HECTD4: variants seen among roughly 807,000 people sequenced by gnomAD.
HECTD4 encodes the protein HECT domain E3 ubiquitin protein ligase 4, also known as probable E3 ubiquitin-protein ligase HECTD4.
Under a neutral mutation model 471.5 loss-of-function variants are expected in HECTD4, and 114 were observed. The observed-to-expected ratio is 0.24, with a 90% confidence interval of 0.21 to 0.28. HECTD4 has a LOEUF of 0.28. Among genes scored for constraint, HECTD4 ranks in the 10% least tolerant of loss-of-function variants. HECTD4 has a pLI of 1.00. For missense variants in HECTD4, 3,866 were observed against 5,651.5 expected (o/e 0.68, Z 10.13); for synonymous variants, 2,012 against 2,256.0 (o/e 0.89, Z 3.07).
At chr12:112,363,748 A>T (rs1039117448) in intron 1 of HECTD4, among the ~76,000 whole-genome samples, 1 of 151,912 alleles carries the variant, frequency 6.6e-6, no homozygotes, top group African/African-American at 2.4e-5. Flanking sequence ...AGGCCGAGGC[A>T]GGTGGATCAC....
intron 11 of HECTD4, among the ~76,000 whole-genome samples, chr12:112,271,643 A>AC (rs2034414999): frequency 6.6e-6 from 1 of 152,172 alleles, no homozygotes; most frequent in African/African-American, 2.4e-5. Context: ...TGCTCTTCAG[A>AC]CAGAACAACT....
chr12:112,228,762 T>C lies in HECTD4; in HGVS notation c.6569A>G (p.Asn2190Ser), dbSNP rs1437548658. ...SGSIGVVASI[N>S]EQEGIATVRF... The stretch of plus-strand genomic sequence containing the variant: ...GACTGTAGCTATACCTTCCTGTTCA[T>C]TGATAGAAGCCACTACTCCAATGCT... Residue 2190 changes from asparagine to serine, a missense_variant, in exon 42 of 76, where the codon AAT (asparagine) becomes AGT (serine). Physicochemically the swap from Asn to Ser is conservative, Grantham distance 46 (BLOSUM62 1). This residue lies in a region of HECTD4 where 617 missense variants were observed against 915.1 expected (regional missense o/e 0.67). Transcript: ENST00000682272. The surrounding 1 kb of genome is among the most constrained non-coding windows in gnomAD (Gnocchi z 4.9). 4 of 1,613,712 alleles carry C rather than the reference T, an allele frequency of 2.5e-6. No individual in the cohort carries two copies. The highest frequency in any genetic ancestry group is 2.2e-5 in the South Asian group (2 of 91,036).
At chr12:112,349,652 T>G (rs1454627185) in intron 1 of HECTD4, among the ~76,000 whole-genome samples, 1 of 151,844 alleles carries the variant, frequency 6.6e-6, no homozygotes, top group Non-Finnish European at 1.5e-5. Flanking sequence ...AAAAAAAAAT[T>G]GGCACAGAAT....
chr12:112,205,004 G>A (rs1181633182), intron 52 of HECTD4, among the ~76,000 whole-genome samples: 3 of 151,790 alleles, frequency 2.0e-5, no homozygotes, highest in African/African-American at 7.3e-5. Context: ...ATGGTGGCAG[G>A]CGCCTGTAAA....
At chr12:112,274,166 G>A (rs1168007893) in intron 10 of HECTD4, among the ~76,000 whole-genome samples, 2 of 152,142 alleles carry the variant, frequency 1.3e-5, no homozygotes, top group Non-Finnish European at 2.9e-5. Context: ...CCAAAACTTA[G>A]AAATAAGCTT....
Position 112,193,730 on chromosome 12 carries a change from A to T in HECTD4, c.8750-56T>A. On this transcript the variant is annotated intron_variant, in intron 56 of 75. Transcript: ENST00000682272. This position sits in a 1 kb window ranked among gnomAD's most constrained non-coding sequence, Gnocchi z 5.2. ...AGAATCAAAGCAGCCAGTAGCTGTG[A>T]GAGTCTAAGTAACAGAAAATGAATA... 1.3e-6 allele frequency: 2 copies of T among 1,489,582 alleles called. No homozygotes were observed. The highest frequency in any genetic ancestry group is 4.8e-5 in the East Asian group (2 of 41,962). The allele number at this position is 1,489,582 out of a possible 1,614,324, so 92.3% of individuals were successfully genotyped here.
intron 2 of HECTD4, among the ~76,000 whole-genome samples, chr12:112,315,469 C>G (rs548270974): frequency 6.6e-6 from 1 of 152,206 alleles, no homozygotes; most frequent in African/African-American, 2.4e-5. Context: ...GGCAAGGAGG[C>G]AGCAGATAGA....
Position 112,183,101 on chromosome 12 carries a change from T to C in HECTD4, c.10945A>G (p.Ser3649Gly), listed in dbSNP as rs771382173. 2 of 1,613,506 alleles carry C rather than the reference T, an allele frequency of 1.2e-6. No individual in the cohort carries two copies. Among genetic ancestry groups the C allele is most frequent in the South Asian group, 2.2e-5 (2 of 91,060 alleles). The change falls in exon 62 of 76, where the codon AGC (serine) becomes GGC (glycine). Residue 3649 changes from serine (S) to glycine (G), a missense_variant. Physicochemically the swap from Ser to Gly is moderately conservative, Grantham distance 56 (BLOSUM62 0). Around this residue, in one of 16 missense-constraint regions of HECTD4, gnomAD observed 715 missense variants for 1,087.6 expected, o/e 0.66. Transcript: ENST00000682272. ...VNQSLFDTQG[S>G]PGLEDYFNDK... ...TTGAAATAATCTTCTAACCCTGGGC[T>C]CCCTTGAGTATCAAAGAGACTCTGA...
At position 112,233,227 on chromosome 12, in the gene HECTD4, T is replaced by C. The variant is rs1408862187; in HGVS notation, c.5916-142A>G. ...CACTAACATTAGCTTTTTTTTTTTT[T>C]TTTTTTTTTTTTGAGACAGGGTGTT... On this transcript the variant is annotated intron_variant, in intron 37 of 75. Transcript: ENST00000682272. 3.0e-5 allele frequency: 19 copies of C among 632,506 alleles called. No homozygotes were observed. In the East Asian group the frequency reaches 5.3e-4, roughly 18 times the overall value. The allele number at this position is 632,506 out of a possible 1,614,324, so 39.2% of individuals were successfully genotyped here. A position where few individuals can be genotyped will look rare whatever the true frequency, so the allele number is the denominator to read the frequency against.
chr12:112,237,583 A>G (rs1301537198), intron 34 of HECTD4, among the ~76,000 whole-genome samples: 3 of 152,148 alleles, frequency 2.0e-5, no homozygotes, highest in Non-Finnish European at 2.9e-5. Flanking sequence ...GCTCGAAAGT[A>G]TTCTCCTTCC....
In HECTD4 at chr12:112,164,213, C is replaced by T. The variant is rs750625494; in HGVS notation, c.12597G>A (p.Thr4199=). The T allele has an allele frequency of 1.4e-5, 22 of 1,613,668 alleles. No homozygotes were observed. Among genetic ancestry groups the T allele is most frequent in the Admixed American group, 1.2e-4 (7 of 59,988 alleles). The part of the protein sequence containing the change: ...CAEIASQHLA[T]ESPDSPNKPC... ...GCTTGTTGGGGCTGTCAGGGCTCTC[C>T]GTGGCCAGGTGCTGGGAGGCGATCT... The change falls in exon 73 of 76, where the codon ACG becomes ACA. Residue 4199 remains threonine (T), a synonymous_variant. Transcript: ENST00000682272.
chr12:112,163,408 CAAT>C lies in HECTD4; in HGVS notation c.12897+131_12897+133del. 2 of 1,033,626 alleles carry C rather than the reference CAAT, an allele frequency of 1.9e-6. No individual in the cohort carries two copies. Among genetic ancestry groups the C allele is most frequent in the Non-Finnish European group, 2.8e-6 (2 of 715,700 alleles). 64.0% of individuals were successfully genotyped at this position (1,033,626 alleles called of 1,614,324 possible). ...GAGCACAGGGAGATGACAATGATGA[CAAT>C]GATACAGGTCTGTGGCAAGGACAGA... is the stretch of plus-strand genomic sequence containing the variant. On this transcript the variant is annotated intron_variant, in intron 74 of 75. Transcript: ENST00000682272. This position sits in a 1 kb window ranked among gnomAD's most constrained non-coding sequence, Gnocchi z 8.2.
rs1256143603 is a variant in HECTD4, at chr12:112,319,282, A to G, written c.638T>C (p.Ile213Thr). The part of the protein sequence containing the change: ...LEETSDTGRH[I>T]PHKQKENAAA... ...AGCATTTTCTTTTTGCTTATGTGGG[A>G]TGTGTCGGCCTGTGTCAGAAGTCTC... Residue 213 changes from isoleucine (I) to threonine (T), a missense_variant, in exon 2 of 76, where the codon ATC becomes ACC. Physicochemically the swap from Ile to Thr is moderately conservative, Grantham distance 89 (BLOSUM62 -1). Transcript: ENST00000682272. This position sits in a 1 kb window ranked among gnomAD's most constrained non-coding sequence, Gnocchi z 5.3. 1.3e-6 allele frequency: 2 copies of G among 1,536,138 alleles called. No individual in the cohort carries two copies. The highest frequency in any genetic ancestry group is 1.4e-5 in the African/African-American group (1 of 73,170).
intron 1 of HECTD4, among the ~76,000 whole-genome samples, chr12:112,360,250 C>A (rs939892943): frequency 6.6e-6 from 1 of 152,086 alleles, no homozygotes; most frequent in Non-Finnish European, 1.5e-5. Flanking sequence ...GGCCAGGAGT[C>A]TGGGGCTGCA....
At chr12:112,208,408 C>G in intron 51 of HECTD4, 86 bp downstream of exon 51, 2 of 1,348,362 alleles carry the variant, frequency 1.5e-6, no homozygotes, top group South Asian at 3.7e-5. Flanking sequence ...ACTCTCACAT[C>G]AAAATCACTC....
rs1375842215 is a variant in HECTD4 at position 112,200,865 on chromosome 12, G to A, written c.8407-67C>T. The A allele has an allele frequency of 1.7e-5, 22 of 1,310,040 alleles. 1 individual carries two copies. Among genetic ancestry groups the A allele is most frequent in the Middle Eastern group, 2.0e-4 (1 of 4,970 alleles). 81.2% of individuals were successfully genotyped at this position (1,310,040 alleles called of 1,614,324 possible). A position where few individuals can be genotyped will look rare whatever the true frequency, so the allele number is the denominator to read the frequency against. ...TTGTTTTCCATGTGTGCGTGCGTGC[G>A]TGTGTGTGTGCGTGCGTGCGTGTGT... On this transcript the variant is annotated intron_variant, in intron 54 of 75. Coordinates refer to ENST00000682272, the MANE Select transcript of HECTD4 (RefSeq NM_001388303.1).
At chr12:112,348,838 G>C (rs2036201896) in intron 1 of HECTD4, among the ~76,000 whole-genome samples, 1 of 152,122 alleles carries the variant, frequency 6.6e-6, no homozygotes, top group African/African-American at 2.4e-5. Flanking sequence ...ATAAACCTAT[G>C]TATGTATATA....
chr12:112,181,816 G>A (rs1025274029), intron 62 of HECTD4, among the ~76,000 whole-genome samples: 1 of 152,190 alleles, frequency 6.6e-6, no homozygotes, highest in Non-Finnish European at 1.5e-5. Flanking sequence ...TTTTGGCTGG[G>A]CGCAGTGGTT....
chr12:112,304,238 A>ATTT (rs760947859), intron 7 of HECTD4, among the ~76,000 whole-genome samples: 160 of 104,370 alleles, frequency 1.5e-3, no homozygotes, highest in East Asian at 3.5e-3. Flanking sequence ...TAAAGACCTA[A>ATTT]TTTTTTTTTT....
Sources: allele counts gnomAD v4.1 joint callset (sites outside exome capture counted in the v4.1 genomes callset), GRCh38; gene constraint gnomAD v4.1.1; regional missense constraint gnomAD v4.1.1; non-coding constraint Gnocchi (gnomAD v3.1); transcripts MANE v1.5; gene names NCBI Gene and HGNC (gene_info 2026-07-23, HGNC 2026-07-21).